The following NAALADL2 variants were observed in gnomAD, a reference collection of about 807,000 sequenced individuals.
The protein encoded by NAALADL2 is N-acetylated alpha-linked acidic dipeptidase like 2, also known as inactive N-acetylated-alpha-linked acidic dipeptidase-like protein 2.
In NAALADL2, 76 loss-of-function variants were observed where a neutral mutation model predicts 87.2. That is an observed-to-expected ratio of 0.87 (90% CI 0.72 to 1.05). The LOEUF (loss-of-function observed/expected upper bound fraction) is 1.05, where lower values mean the gene tolerates loss of function less well. Ranked by LOEUF, NAALADL2 falls within the 50% of genes least tolerant of loss-of-function variation. NAALADL2 has a pLI of 0.00. For missense variants in NAALADL2, 1,089 were observed against 945.8 expected, an observed-to-expected ratio of 1.15 and a Z score of -1.99; for synonymous variants, 354 against 331.0, an observed-to-expected ratio of 1.07 and a Z score of -0.75.
intron 11 of NAALADL2, among the ~76,000 whole-genome samples, chr3:175,688,886 G>A (rs988411656): frequency 1.3e-5 from 2 of 152,192 alleles, no homozygotes; most frequent in Non-Finnish European, 2.9e-5. Context: ...CCAGCCAGGT[G>A]GGCCTGAGTC....
chr3:175,257,991 G>A (rs1174793318), intron 4 of NAALADL2, among the ~76,000 whole-genome samples: 3 of 152,086 alleles, frequency 2.0e-5, no homozygotes, highest in Non-Finnish European at 4.4e-5. Flanking sequence ...AAAGTGACTG[G>A]CTCAAAGACA....
intron 1 of NAALADL2, among the ~76,000 whole-genome samples, chr3:175,060,677 G>A (rs1713254532): frequency 1.3e-5 from 2 of 152,182 alleles, no homozygotes; most frequent in Admixed American, 1.3e-4. Flanking sequence ...CTATTTCACT[G>A]TGTTAGCTAC....
intron 3 of NAALADL2, among the ~76,000 whole-genome samples, chr3:174,763,454 G>A (rs906823239): frequency 5.3e-5 from 8 of 151,568 alleles, no homozygotes; most frequent in African/African-American, 1.7e-4. Context: ...GGGCGTGGTG[G>A]TGCATACCTG....
At chr3:174,951,329 G>C (rs771862054) in intron 1 of NAALADL2, among the ~76,000 whole-genome samples, 2 of 151,716 alleles carry the variant, frequency 1.3e-5, no homozygotes, top group Non-Finnish European at 2.9e-5. Flanking sequence ...CAGCAAACTA[G>C]GGACAGCCTT....
chr3:175,748,283 TA>T (rs1347513684), intron 12 of NAALADL2, among the ~76,000 whole-genome samples: 1 of 152,168 alleles, frequency 6.6e-6, no homozygotes, highest in African/African-American at 2.4e-5. Flanking sequence ...TGATTCATAC[TA>T]AAAAAAGCAG....
At chr3:174,476,476 G>T (rs112537929) in intron 1 of NAALADL2, among the ~76,000 whole-genome samples, 59 of 151,768 alleles carry the variant, frequency 3.9e-4, no homozygotes, top group African/African-American at 1.3e-3. Context: ...TAGTTAATTT[G>T]ATCTCTCCTC....
chr3:174,802,444 A>G (rs1170132653), intron 3 of NAALADL2, among the ~76,000 whole-genome samples: 1 of 152,186 alleles, frequency 6.6e-6, no homozygotes, highest in Non-Finnish European at 1.5e-5. Flanking sequence ...GTGGCCTATA[A>G]AATATGATAT....
intron 2 of NAALADL2, among the ~76,000 whole-genome samples, chr3:175,139,599 C>T (rs1324625438): frequency 2.0e-5 from 3 of 152,090 alleles, no homozygotes; most frequent in East Asian, 3.9e-4. Context: ...ATTTTATTAT[C>T]CATATTCAGA....
intron 1 of NAALADL2, among the ~76,000 whole-genome samples, chr3:174,525,207 G>C (rs1159935788): frequency 6.6e-6 from 1 of 152,210 alleles, no homozygotes; most frequent in Non-Finnish European, 1.5e-5. Flanking sequence ...GAAAACTCGA[G>C]ACAGTCTTCT....
chr3:175,077,377 T>C (rs555373118), intron 1 of NAALADL2, among the ~76,000 whole-genome samples: 4 of 152,290 alleles, frequency 2.6e-5, no homozygotes, highest in South Asian at 2.1e-4. Flanking sequence ...ACAACAATAA[T>C]GTACACAGTG....
chr3:174,791,455 C>T (rs915952494), intron 3 of NAALADL2, among the ~76,000 whole-genome samples: 1 of 152,194 alleles, frequency 6.6e-6, no homozygotes, highest in Non-Finnish European at 1.5e-5. Context: ...CATAAACAGG[C>T]CCTCACCAGA....
At chr3:175,487,643 G>C in intron 9 of NAALADL2, 2 of 398,050 alleles carry the variant, frequency 5.0e-6, no homozygotes, top group Non-Finnish European at 1.0e-5. Context: ...TAAATATTTT[G>C]CCCCTTTCTG....
chr3:174,878,145 G>A (rs1428532832), intron 1 of NAALADL2, among the ~76,000 whole-genome samples: 1 of 152,054 alleles, frequency 6.6e-6, no homozygotes, highest in Non-Finnish European at 1.5e-5. Context: ...TGTGGTAAAT[G>A]TATAGGCACA....
chr3:175,314,491 A>C (rs977310544), intron 4 of NAALADL2, among the ~76,000 whole-genome samples: 9 of 147,130 alleles, frequency 6.1e-5, no homozygotes, highest in Admixed American at 1.4e-4. Flanking sequence ...AGAGAACATA[A>C]CACATTTAAT....
chr3:175,372,316 C>T (rs1766609041), intron 5 of NAALADL2, among the ~76,000 whole-genome samples: 1 of 152,218 alleles, frequency 6.6e-6, no homozygotes, highest in South Asian at 2.1e-4. Flanking sequence ...ACATGCATGT[C>T]TGTGCATTCT....
rs374349938 is a variant in NAALADL2, at chr3:175,339,112, A to G, written c.1090+14787A>G. ...GGCACACTGTGCTGGCACGCAGTTC[A>G]AAGCCATTCTTCAGCAGACTTGAGG... On this transcript the variant is annotated intron_variant, in intron 5 of 13. Coordinates refer to ENST00000454872, the MANE Select transcript of NAALADL2 (RefSeq NM_207015.3). Among the ~76,000 whole-genome samples, 18 of 152,336 alleles carry G rather than the reference A, an allele frequency of 1.2e-4. No homozygotes were observed. In the East Asian group the frequency reaches 3.1e-3, roughly 26 times the overall value.
At chr3:174,909,017 A>AC (rs1379752181) in intron 1 of NAALADL2, among the ~76,000 whole-genome samples, 7 of 152,104 alleles carry the variant, frequency 4.6e-5, no homozygotes, top group African/African-American at 1.7e-4. Context: ...AGAAAAAAAA[A>AC]AAAAGATCTC....
chr3:175,199,893 C>T lies in NAALADL2; in HGVS notation c.546-34038C>T, dbSNP rs1387678645. Among the ~76,000 whole-genome samples the T allele has an allele frequency of 7.2e-3, 269 of 37,148 alleles. 2 individuals are homozygous for T. The highest frequency in any genetic ancestry group is 8.9e-3 in the African/African-American group (107 of 12,086). The allele number at this position is 37,148 out of a possible 152,430, so 24.4% of individuals were successfully genotyped here. A position where few individuals can be genotyped will look rare whatever the true frequency, so the allele number is the denominator to read the frequency against. On this transcript the variant is annotated intron_variant, in intron 2 of 13. Transcript: ENST00000454872. ...TTTTTTTTTTTTTTTTTTTTTTTTTCCTTAGTCCATCTGAAGCAAAGTTGG... is the reference window on the plus strand; with the variant it reads ...TTTTTTTTTTTTTTTTTTTTTTTTTTCTTAGTCCATCTGAAGCAAAGTTGG...
At chr3:174,704,095 T>C (rs750081819) in intron 2 of NAALADL2, among the ~76,000 whole-genome samples, 1 of 152,178 alleles carries the variant, frequency 6.6e-6, no homozygotes, top group Non-Finnish European at 1.5e-5. Context: ...AGCTTTAAGA[T>C]GAAGGTCACT....
Sources: allele counts gnomAD v4.1 joint callset (sites outside exome capture counted in the v4.1 genomes callset), GRCh38; gene constraint gnomAD v4.1.1; transcripts MANE v1.5; gene names NCBI Gene and HGNC (gene_info 2026-07-23, HGNC 2026-07-21).